The following PLAC1 variants were observed in gnomAD, a reference collection of about 807,000 sequenced individuals.
The protein encoded by PLAC1 is placenta associated 1, also known as placenta-specific protein 1.
For synonymous variants in PLAC1, 68 were observed against 62.1 expected (o/e 1.09, Z -0.44); for missense variants, 136 against 163.2 (o/e 0.83, Z 0.91).
chrX:134,624,458 G>C (rs938308370), intron 1 of PLAC1, among the ~76,000 whole-genome samples: 2 of 112,261 alleles, frequency 1.8e-5, no homozygotes, highest in African/African-American at 6.5e-5. Context: ...CTGGACTAAT[G>C]ACTGTGATAC....
chrX:134,735,878 C>A (rs1159136263), intron 1 of PLAC1, among the ~76,000 whole-genome samples: 1 of 107,653 alleles, frequency 9.3e-6, no homozygotes, highest in Non-Finnish European at 1.9e-5. Flanking sequence ...CCAGAATTAC[C>A]CAGTAGTTGA....
intron 2 of PLAC1, among the ~76,000 whole-genome samples, chrX:134,724,953 G>C (rs1430151404): frequency 9.1e-6 from 1 of 109,519 alleles, no homozygotes; most frequent in Non-Finnish European, 1.9e-5. Context: ...AGTGAGCTGT[G>C]ATCGTGCCAC....
At chrX:134,716,798 T>C (rs753920196) in intron 2 of PLAC1, among the ~76,000 whole-genome samples, 82 of 112,559 alleles carry the variant, frequency 7.3e-4, no homozygotes, top group African/African-American at 2.6e-3. Flanking sequence ...GGTTAGTCTC[T>C]GGAGTCAAAC....
intron 1 of PLAC1, among the ~76,000 whole-genome samples, chrX:134,751,399 T>C (rs377114770): frequency 1.8e-5 from 2 of 110,346 alleles, no homozygotes; most frequent in Admixed American, 1.9e-4. Context: ...AACAACAACA[T>C]CAACAACTGC....
At chrX:134,723,173 ATAATAATTC>A (rs1391452537) in intron 2 of PLAC1, among the ~76,000 whole-genome samples, 1 of 111,791 alleles carries the variant, frequency 8.9e-6, no homozygotes, top group Non-Finnish European at 1.9e-5. Flanking sequence ...TATAATAATC[ATAATAATTC>A]TAATAGTGCT....
intron 2 of PLAC1, among the ~76,000 whole-genome samples, chrX:134,589,485 C>G (rs2078023730): frequency 9.0e-6 from 1 of 110,961 alleles, no homozygotes; most frequent in South Asian, 3.8e-4. Context: ...TGCCTGTAAT[C>G]CCAGCACTTT....
At chrX:134,731,340 A>G (rs1193508050) in intron 2 of PLAC1, among the ~76,000 whole-genome samples, 5 of 112,634 alleles carry the variant, frequency 4.4e-5, no homozygotes, top group Admixed American at 2.8e-4. Flanking sequence ...TTAATGCTCA[A>G]TATAAAATGC....
intron 2 of PLAC1, among the ~76,000 whole-genome samples, chrX:134,567,905 C>T (rs760728070): frequency 2.7e-5 from 3 of 111,100 alleles, no homozygotes; most frequent in Non-Finnish European, 5.7e-5. Flanking sequence ...CTTTGCATTA[C>T]GTCTTTTATT....
chrX:134,738,001 G>A (rs969004675), intron 1 of PLAC1, among the ~76,000 whole-genome samples: 2 of 111,231 alleles, frequency 1.8e-5, no homozygotes. Context: ...AGGGACTTGC[G>A]GATTTCTCAG....
chrX:134,574,096 A>T (rs966586256), intron 2 of PLAC1, among the ~76,000 whole-genome samples: 4 of 109,264 alleles, frequency 3.7e-5, no homozygotes, highest in Middle Eastern at 4.7e-3. Context: ...TCTCTCACAC[A>T]CACACACACA....
intron 2 of PLAC1, among the ~76,000 whole-genome samples, chrX:134,590,296 C>T (rs1369166248): frequency 2.7e-5 from 3 of 111,613 alleles, no homozygotes; most frequent in Non-Finnish European, 5.6e-5. Context: ...CAATCAGGGT[C>T]TTATTACCTG....
upstream of PLAC1, among the ~76,000 whole-genome samples, chrX:134,663,447 TGC>T (rs1275802289): frequency 1.8e-5 from 2 of 112,755 alleles, no homozygotes; most frequent in African/African-American, 6.4e-5. Flanking sequence ...TGTGTGTGTG[TGC>T]GCGCACGCGC....
intron 2 of PLAC1, among the ~76,000 whole-genome samples, chrX:134,699,682 GCTT>G (rs2078576199): frequency 8.9e-6 from 1 of 112,491 alleles, no homozygotes; most frequent in African/African-American, 3.2e-5. Context: ...GACTAAGACA[GCTT>G]CTTAACTGGT....
At chrX:134,661,912 T>C (rs1016936349), upstream of PLAC1, among the ~76,000 whole-genome samples, 4 of 112,101 alleles carry the variant, frequency 3.6e-5, no homozygotes, top group Admixed American at 1.9e-4. Context: ...AGAAATTAAA[T>C]TATATAACCT....
rs752533162 is a variant in PLAC1, at chrX:134,727,554, T to C, written n.174+5881A>G. ...CCAAAGCAAACAGTAGGGGGAGTTA[T>C]ACTTTGCAAATTGTAGCTATGAGAT... On this transcript the variant is annotated intron_variant and non_coding_transcript_variant, in intron 2 of 2. Coordinates refer to the PLAC1 transcript ENST00000466797. Among the ~76,000 whole-genome samples, 13 of 112,174 alleles carry C rather than the reference T, an allele frequency of 1.2e-4. No homozygotes were observed. In the South Asian group the frequency reaches 4.8e-3, roughly 41 times the overall value.
At chrX:134,677,107 G>A (rs776307355) in intron 2 of PLAC1, among the ~76,000 whole-genome samples, 3 of 112,088 alleles carry the variant, frequency 2.7e-5, no homozygotes, top group Non-Finnish European at 3.8e-5. Context: ...AGTAGGCTTG[G>A]AAGGGGCCCT....
At chrX:134,750,661 T>A (rs1203886316) in intron 1 of PLAC1, among the ~76,000 whole-genome samples, 3 of 102,761 alleles carry the variant, frequency 2.9e-5, no homozygotes, top group Non-Finnish European at 5.8e-5. Flanking sequence ...GCTATTTAAA[T>A]GTAAATGAAT....
At position 134,596,755 on chromosome X, in the gene PLAC1, C is replaced by A. The variant is rs778803622; in HGVS notation, c.-59+5296G>T. ...GGGACTACAGGTGTGCACCACCACA[C>A]CTGGCTAATTTTTGTACTTTTTGCA... On this transcript the variant is annotated intron_variant, in intron 2 of 2. Coordinates refer to ENST00000359237, the MANE Select transcript of PLAC1 (RefSeq NM_021796.4). Among the ~76,000 whole-genome samples, 15 of 109,959 alleles carry A rather than the reference C, an allele frequency of 1.4e-4. No homozygotes were observed. In the Admixed American group the frequency reaches 1.5e-3, roughly 11 times the overall value.
At chrX:134,746,294 T>A (rs1273500560) in intron 1 of PLAC1, among the ~76,000 whole-genome samples, 1 of 112,097 alleles carries the variant, frequency 8.9e-6, no homozygotes, top group Non-Finnish European at 1.9e-5. Flanking sequence ...CTCTGCTTTG[T>A]CTCGCTGGGC....
Sources: allele counts gnomAD v4.1 joint callset (sites outside exome capture counted in the v4.1 genomes callset), GRCh38; gene constraint gnomAD v4.1.1; transcripts MANE v1.5; gene names NCBI Gene and HGNC (gene_info 2026-07-23, HGNC 2026-07-21).